Variants in GREB1 observed in about 807,000 individuals in gnomAD.
The protein encoded by GREB1 is growth regulating estrogen receptor binding 1.
GREB1 carries 106 observed loss-of-function variants against 200.7 expected under a neutral mutation model. The ratio of observed to expected loss-of-function variants is 0.53; its 90% CI spans 0.45 to 0.62. The LOEUF (loss-of-function observed/expected upper bound fraction) is 0.62. Among genes scored for constraint, GREB1 ranks in the 20% least tolerant of loss-of-function variants. GREB1 has a pLI of 0.00. For missense variants in GREB1, 2,243 were observed against 2,556.8 expected (o/e 0.88, Z 2.65); for synonymous variants, 1,132 against 1,092.4 (o/e 1.04, Z -0.72).
chr2:11,627,979 A>G (rs2148407008), intron 25 of GREB1, among the ~76,000 whole-genome samples: 1 of 152,198 alleles, frequency 6.6e-6, no homozygotes, highest in East Asian at 1.9e-4. Context: ...TGGGGTTTCC[A>G]GGGGATGGGA....
intron 4 of GREB1, among the ~76,000 whole-genome samples, chr2:11,574,140 CA>C (rs1558567282): frequency 6.6e-6 from 1 of 152,208 alleles, no homozygotes; most frequent in Admixed American, 6.5e-5. Flanking sequence ...GAAACCCTAA[CA>C]GGCTGTGTTT....
At chr2:11,583,185 C>T (rs7559835) in intron 7 of GREB1, among the ~76,000 whole-genome samples, 40,871 of 152,144 alleles carry the variant, frequency 0.27, 9,108 homozygotes, top group African/African-American at 0.62. Context: ...GGTTATCTTC[C>T]CAAAGTGAGA....
intron 1 of GREB1, among the ~76,000 whole-genome samples, chr2:11,495,113 C>T (rs1309800162): frequency 2.6e-5 from 4 of 152,182 alleles, no homozygotes; most frequent in Admixed American, 6.5e-5. Context: ...CCTGTTACAT[C>T]GTCTGCTTAT....
rs1672803875 is a variant in GREB1, at chr2:11,492,984, C to A, written c.-159+10603C>A. ...CTGAGGCTCAGCAGCTGGAGATATCCTGTCAGGAAGCAGAGCCCAAGTCCC... is the reference window on the plus strand; with the variant it reads ...CTGAGGCTCAGCAGCTGGAGATATCATGTCAGGAAGCAGAGCCCAAGTCCC... On this transcript the variant is annotated intron_variant, in intron 1 of 2. Coordinates refer to the GREB1 transcript ENST00000628795. This position sits in a 1 kb window ranked among gnomAD's most constrained non-coding sequence, Gnocchi z 4.0. Among the ~76,000 whole-genome samples, 1 of 152,210 alleles carries A rather than the reference C, an allele frequency of 6.6e-6. No homozygotes were observed. Among genetic ancestry groups the A allele is most frequent in the Non-Finnish European group, 1.5e-5 (1 of 68,030 alleles).
At chr2:11,574,194 T>C (rs1435454708) in intron 4 of GREB1, among the ~76,000 whole-genome samples, 2 of 152,248 alleles carry the variant, frequency 1.3e-5, no homozygotes, top group African/African-American at 4.8e-5. Context: ...CTCTCGATGT[T>C]AACCGGCTGC....
At chr2:11,533,536 G>A (rs930203517), upstream of GREB1, among the ~76,000 whole-genome samples, 11 of 152,226 alleles carry the variant, frequency 7.2e-5, no homozygotes, top group Non-Finnish European at 1.6e-4. Context: ...CTGAGACTCT[G>A]TAAACAGAAG....
intron 1 of GREB1, among the ~76,000 whole-genome samples, chr2:11,518,027 A>T (rs746603556): frequency 2.0e-4 from 31 of 152,186 alleles, no homozygotes; most frequent in Admixed American, 1.3e-4. Context: ...TTTCCCCTTG[A>T]CTGTGGGCAT....
chr2:11,495,984 G>C (rs759024300), intron 1 of GREB1, among the ~76,000 whole-genome samples: 9 of 152,046 alleles, frequency 5.9e-5, no homozygotes, highest in African/African-American at 1.9e-4. Context: ...AACCAGACTG[G>C]GAGAGGGTAA....
chr2:11,611,122 C>T (rs374020462), intron 18 of GREB1, 95 bp downstream of exon 18: 9 of 1,029,636 alleles, frequency 8.7e-6, no homozygotes, highest in Admixed American at 5.4e-5. Context: ...AACCCCACAG[C>T]GTGGCCAACG....
chr2:11,592,876 G>A lies in GREB1; in HGVS notation c.1446G>A (p.Pro482=), dbSNP rs1245661202. Residue 482 remains proline, a synonymous_variant, in exon 11 of 33, where the codon CCG becomes CCA. Coordinates refer to ENST00000381486, the MANE Select transcript of GREB1 (RefSeq NM_014668.4). The part of the protein sequence containing the change: ...LTEIRQYQQA[P]PQPFPPAPSA... ...AGATCCGGCAGTACCAGCAGGCGCC[G>A]CCGCAGCCCTTCCCGCCCGCGCCCA... 5 of 1,598,430 alleles carry A rather than the reference G, an allele frequency of 3.1e-6. No homozygotes were observed. The highest frequency in any genetic ancestry group is 1.7e-5 in the Admixed American group (1 of 58,206).
chr2:11,588,043 T>C (rs1330979669), intron 9 of GREB1: 4 of 676,396 alleles, frequency 5.9e-6, no homozygotes, highest in African/African-American at 5.8e-5. Context: ...CTGGGCAACA[T>C]GGTGAAACCT....
chr2:11,635,652 G>C (rs2148443863), intron 30 of GREB1, among the ~76,000 whole-genome samples: 2 of 152,262 alleles, frequency 1.3e-5, no homozygotes, highest in East Asian at 3.9e-4. Context: ...CTACAACCAA[G>C]CCTTCCTGTG....
intron 1 of GREB1, among the ~76,000 whole-genome samples, chr2:11,489,469 AAAAT>A (rs945430836): frequency 2.0e-5 from 3 of 152,306 alleles, no homozygotes; most frequent in African/African-American, 4.8e-5. Context: ...GGGGGAAAAA[AAAAT>A]AAATAAAGAA....
intron 26 of GREB1, among the ~76,000 whole-genome samples, chr2:11,631,013 T>A (rs1313435337): frequency 1.3e-5 from 2 of 152,196 alleles, no homozygotes; most frequent in Non-Finnish European, 2.9e-5. Context: ...CCAAGAGGAC[T>A]TCATTGTTAG....
At chr2:11,634,094 T>G (rs766482352) in intron 28 of GREB1, 37 bp from the exon 29 acceptor site, 127 of 1,585,154 alleles carry the variant, frequency 8.0e-5, no homozygotes, top group Non-Finnish European at 1.1e-4. Flanking sequence ...GCTGCTCGTG[T>G]GTCAGCCTAG....
chr2:11,485,458 G>A (rs1393624969), intron 1 of GREB1, among the ~76,000 whole-genome samples: 1 of 151,698 alleles, frequency 6.6e-6, no homozygotes, highest in Non-Finnish European at 1.5e-5. Context: ...ATTTTTAGTA[G>A]AGATAAGGTT....
Position 11,528,200 on chromosome 2 carries a change from A to G in GREB1, c.-158-28257A>G, listed in dbSNP as rs144872751. On this transcript the variant is annotated intron_variant, in intron 1 of 2. Transcript: ENST00000628795. ...TCTGAGGAACAGATCACAAAAATCT[A>G]GAGATCACTGGTGAAACAGAAGAAT... is the stretch of plus-strand genomic sequence containing the variant. 2.4e-3 allele frequency among the ~76,000 whole-genome samples: 368 copies of G among 152,348 alleles called. 4 individuals carry two copies. The highest frequency in any genetic ancestry group is 0.021 in the South Asian group (99 of 4,828).
At chr2:11,616,588 A>G (rs1014245962) in intron 20 of GREB1, 43 bp from the exon 21 acceptor site, 1 of 1,172,294 alleles carries the variant, frequency 8.5e-7, no homozygotes, top group Non-Finnish European at 1.3e-6. Context: ...AATGTCAGGA[A>G]TGGTGATTTC....
intron 1 of GREB1, among the ~76,000 whole-genome samples, chr2:11,483,341 T>TGAGA (rs3071113): frequency 9.4e-5 from 14 of 149,352 alleles, no homozygotes; most frequent in Admixed American, 4.6e-4. Flanking sequence ...TGTGTGTGTG[T>TGAGA]GAGAGAGAGA....
Sources: gnomAD v4.1 joint callset for allele counts (sites outside exome capture counted in the v4.1 genomes callset) on GRCh38, gnomAD v4.1.1 for gene constraint, Gnocchi (gnomAD v3.1) non-coding constraint, MANE v1.5 for transcripts, NCBI Gene and HGNC (gene_info 2026-07-23, HGNC 2026-07-21) for gene names.